The following BICDL1 variants were observed in gnomAD, a reference collection of about 807,000 sequenced individuals.
BICDL1 encodes BICD family like cargo adaptor 1.
BICDL1 carries 20 observed loss-of-function variants against 76.8 expected under a neutral mutation model. The observed-to-expected ratio is 0.26, with a 90% CI of 0.18 to 0.38. The LOEUF (loss-of-function observed/expected upper bound fraction) is 0.38, where lower values mean the gene tolerates loss of function less well. Among genes scored for constraint, BICDL1 ranks in the 10% least tolerant of loss-of-function variants. The pLI is 1.00. For missense variants in BICDL1, 700 were observed against 798.6 expected, an observed-to-expected ratio of 0.88 and a Z score of 1.49; for synonymous variants, 383 against 337.1, an observed-to-expected ratio of 1.14 and a Z score of -1.49.
chr12:120,088,407 A>G (rs1398695836), intron 8 of BICDL1, among the ~76,000 whole-genome samples: 2 of 152,008 alleles, frequency 1.3e-5, no homozygotes, highest in Admixed American at 6.6e-5. Flanking sequence ...CCCAGGCTGG[A>G]GTGCAGTGGC....
chr12:120,046,991 A>G (rs911269548), intron 2 of BICDL1, among the ~76,000 whole-genome samples: 3 of 152,188 alleles, frequency 2.0e-5, no homozygotes, highest in Non-Finnish European at 4.4e-5. Context: ...TTCTTTTTCA[A>G]TTAAAGCTGG....
intron 6 of BICDL1, among the ~76,000 whole-genome samples, chr12:120,074,181 G>T (rs1324889910): frequency 6.6e-6 from 1 of 152,196 alleles, no homozygotes; most frequent in African/African-American, 2.4e-5. Context: ...CAAAGTGCTG[G>T]GATTACAGCG....
chr12:119,997,892 G>A (rs900466169), intron 1 of BICDL1, among the ~76,000 whole-genome samples: 1 of 152,104 alleles, frequency 6.6e-6, no homozygotes. Flanking sequence ...GGGCCGGGGG[G>A]ATCACGAGGT....
At chr12:119,996,681 T>TAC (rs10545057) in intron 1 of BICDL1, among the ~76,000 whole-genome samples, 6,787 of 150,088 alleles carry the variant, frequency 0.045, 222 homozygotes, top group Non-Finnish European at 0.062. Context: ...CATATACAGA[T>TAC]ACACACACAC....
chr12:120,054,929 A>T (rs966004742), intron 2 of BICDL1, among the ~76,000 whole-genome samples: 1 of 152,218 alleles, frequency 6.6e-6, no homozygotes, highest in African/African-American at 2.4e-5. Flanking sequence ...CTAAGTAAAA[A>T]ATTATAACAG....
chr12:119,990,000 C>T lies in BICDL1; in HGVS notation c.132C>T (p.Ile44=). 6.7e-7 allele frequency: 1 copy of T among 1,482,132 alleles called. No individual in the cohort carries two copies. The highest frequency in any genetic ancestry group is 1.3e-5 in the South Asian group (1 of 74,860). The allele number at this position is 1,482,132 out of a possible 1,614,324, so 91.8% of individuals were successfully genotyped here. Residue 44 remains isoleucine (I), a synonymous_variant, in exon 1 of 10, where the codon ATC becomes ATT. Transcript: ENST00000548673. ...VRSPAAAAAL[I]FPGGSGELEL... ...GTCCCGCCGCCGCCGCCGCCCTCAT[C>T]TTCCCCGGGGGCTCCGGGGAGCTAG...
At chr12:120,046,530 T>C (rs1008802075) in intron 2 of BICDL1, among the ~76,000 whole-genome samples, 6 of 152,220 alleles carry the variant, frequency 3.9e-5, no homozygotes, top group Non-Finnish European at 7.3e-5. Context: ...TTCTCCTAAA[T>C]GTAAGGGAAG....
rs1951465509 is a variant in BICDL1 at position 119,989,471 on chromosome 12, A to AGCAGCAGCG, written c.-392_-384dup. Among the ~76,000 whole-genome samples, 1 of 149,692 alleles carries AGCAGCAGCG rather than the reference A, an allele frequency of 6.7e-6. No homozygotes were observed. The highest frequency in any genetic ancestry group is 2.0e-4 in the East Asian group (1 of 5,058). ...CTGCCCGGCCGGCGGCGGCAGCAGC[A>AGCAGCAGCG]GCAGCAGCGGCAGCGGCAACAGGGC... is the stretch of plus-strand genomic sequence containing the variant. On this transcript the variant is annotated 5_prime_UTR_variant, in exon 1 of 10. Coordinates refer to ENST00000548673, the MANE Select transcript of BICDL1 (RefSeq NM_001367886.1).
chr12:120,034,254 T>C (rs1027085113), intron 2 of BICDL1, among the ~76,000 whole-genome samples: 1 of 152,166 alleles, frequency 6.6e-6, no homozygotes, highest in African/African-American at 2.4e-5. Flanking sequence ...AACTAAGAAT[T>C]GTCTTTTAAT....
intron 2 of BICDL1, among the ~76,000 whole-genome samples, chr12:120,020,852 G>A (rs1341952529): frequency 6.6e-6 from 1 of 152,208 alleles, no homozygotes; most frequent in East Asian, 1.9e-4. Context: ...GAAGTAAACA[G>A]CTCACCTATG....
chr12:120,007,925 T>C (rs1302611274), intron 2 of BICDL1, among the ~76,000 whole-genome samples: 8 of 152,222 alleles, frequency 5.3e-5, no homozygotes, highest in Non-Finnish European at 1.2e-4. Flanking sequence ...GAATGGGCTT[T>C]TGTTCCTTTT....
At chr12:120,053,817 G>A (rs149583698) in intron 2 of BICDL1, among the ~76,000 whole-genome samples, 4 of 152,250 alleles carry the variant, frequency 2.6e-5, no homozygotes, top group East Asian at 1.9e-4. Flanking sequence ...CAGAGCTAGG[G>A]AATAAGTATA....
At chr12:120,046,308 C>A (rs1198263481) in intron 2 of BICDL1, among the ~76,000 whole-genome samples, 1 of 152,292 alleles carries the variant, frequency 6.6e-6, no homozygotes, top group Middle Eastern at 3.4e-3. Context: ...TACATTTAAT[C>A]TGTTAGACTT....
intron 7 of BICDL1, among the ~76,000 whole-genome samples, chr12:120,075,387 C>CTTT (rs1188921444): frequency 1.4e-5 from 2 of 142,540 alleles, no homozygotes; most frequent in Non-Finnish European, 3.1e-5. Flanking sequence ...AGTATTTCCT[C>CTTT]TTTTTTTTTT....
chr12:120,039,889 C>T (rs902483910), intron 2 of BICDL1, among the ~76,000 whole-genome samples: 1 of 152,066 alleles, frequency 6.6e-6, no homozygotes, highest in Non-Finnish European at 1.5e-5. Context: ...TGTGGTAAAA[C>T]CCTATGGGGC....
At chr12:120,092,835 CT>C (rs1875098987) in intron 9 of BICDL1, 164 bp from the exon 10 acceptor site, 1 of 985,320 alleles carries the variant, frequency 1.0e-6, no homozygotes. Context: ...CGCCTGGTGT[CT>C]TGCCCACGCT....
intron 2 of BICDL1, among the ~76,000 whole-genome samples, chr12:120,015,330 C>G (rs957312062): frequency 6.6e-6 from 1 of 152,192 alleles, no homozygotes; most frequent in Non-Finnish European, 1.5e-5. Context: ...GCATGGCATT[C>G]AAAGCCCTGT....
In BICDL1 at chr12:120,072,674, C is replaced by T. The variant is rs1266637914; in HGVS notation, c.1253C>T (p.Ala418Val). The change falls in exon 6 of 10, where the codon GCC (alanine) becomes GTC (valine). Residue 418 changes from alanine (A) to valine (V), a missense_variant. By Grantham distance (64) the Ala-to-Val change is moderately conservative. This residue lies in a region of BICDL1 where 455 missense variants were observed against 548.7 expected (regional missense o/e 0.83). Coordinates refer to ENST00000548673, the MANE Select transcript of BICDL1 (RefSeq NM_001367886.1). Reference sequence around the variant, plus strand: ...GTGCCAGCCGGCAGCTTGCGCACTGCCCTCAATGAGCTCAAGAGACTGATA... The same window carrying T: ...GTGCCAGCCGGCAGCTTGCGCACTGTCCTCAATGAGCTCAAGAGACTGATA... ...KDVPAGSLRT[A>V]LNELKRLIQS... The T allele has an allele frequency of 6.2e-7, 1 of 1,613,924 alleles. No individual in the cohort carries two copies. The highest frequency in any genetic ancestry group is 8.5e-7 in the Non-Finnish European group (1 of 1,180,054).
In BICDL1 at chr12:119,991,717, T is replaced by C. The variant is rs373174483; in HGVS notation, c.429+1420T>C. On this transcript the variant is annotated intron_variant, in intron 1 of 9. Coordinates refer to ENST00000548673, the MANE Select transcript of BICDL1 (RefSeq NM_001367886.1). Reference sequence around the variant, plus strand: ...AAATTTCTTCAGTGAAGGACTTGATTGAAGAGACAGCTGACTTGAAAGGAG... The same window carrying C: ...AAATTTCTTCAGTGAAGGACTTGATCGAAGAGACAGCTGACTTGAAAGGAG... Among the ~76,000 whole-genome samples, 21 of 145,270 alleles carry C rather than the reference T, an allele frequency of 1.4e-4. No individual in the cohort carries two copies. The East Asian group carries it at 1.5e-3, about 11-fold the overall frequency.
Sources: gnomAD v4.1 joint callset for allele counts (sites outside exome capture counted in the v4.1 genomes callset) on GRCh38, gnomAD v4.1.1 for gene constraint, gnomAD v4.1.1 regional missense constraint, MANE v1.5 for transcripts, NCBI Gene and HGNC (gene_info 2026-07-23, HGNC 2026-07-21) for gene names.